The following CHST12 variants were observed in gnomAD, a reference collection of about 807,000 sequenced individuals.
The protein encoded by CHST12 is carbohydrate sulfotransferase 12, also known as carbohydrate (chondroitin 4) sulfotransferase 12.
Under a neutral mutation model 27.9 loss-of-function variants are expected in CHST12, and 23 were observed. The observed-to-expected ratio is 0.82, with a 90% confidence interval of 0.59 to 1.17. The LOEUF is 1.17. Ranked by LOEUF, CHST12 falls within the 50% of genes most tolerant of loss-of-function variation. The pLI, the probability that CHST12 is intolerant of heterozygous loss-of-function variation, is 0.00. For synonymous variants in CHST12, 322 were observed against 273.0 expected (o/e 1.18, Z -1.77); for missense variants, 682 against 603.0 (o/e 1.13, Z -1.37).
intron 1 of CHST12, among the ~76,000 whole-genome samples, 173 bp from the exon 2 acceptor site, chr7:2,432,390 G>A (rs1026325100): frequency 3.3e-5 from 5 of 152,158 alleles, no homozygotes; most frequent in Non-Finnish European, 7.4e-5. Flanking sequence ...GCACATGGAT[G>A]TGTAGACTCC....
At chr7:2,424,156 G>A (rs1001278860) in intron 1 of CHST12, among the ~76,000 whole-genome samples, 4 of 151,576 alleles carry the variant, frequency 2.6e-5, no homozygotes, top group African/African-American at 9.7e-5. Flanking sequence ...GAGTTCAAGA[G>A]CAGCCTGGGC....
intron 1 of CHST12, among the ~76,000 whole-genome samples, chr7:2,418,901 A>G (rs1487801228): frequency 6.6e-6 from 1 of 152,122 alleles, no homozygotes; most frequent in Non-Finnish European, 1.5e-5. Flanking sequence ...GGTTCAAGCC[A>G]TTTTCCCACT....
chr7:2,406,568 C>T (rs1341258728), intron 1 of CHST12, among the ~76,000 whole-genome samples: 2 of 151,786 alleles, frequency 1.3e-5, no homozygotes, highest in Admixed American at 6.6e-5. Flanking sequence ...GAGGAGGAAG[C>T]GAACAGGGAC....
At chr7:2,432,439 C>T (rs964155705) in intron 1 of CHST12, 124 bp from the exon 2 acceptor site, 9 of 619,842 alleles carry the variant, frequency 1.5e-5, no homozygotes, top group African/African-American at 1.1e-4. Flanking sequence ...CTCTGGAGGG[C>T]GAGCTGATAT....
Position 2,434,112 on chromosome 7 carries a change from A to G in CHST12, c.*228A>G, listed in dbSNP as rs2969076. 48,174 of 344,738 alleles carry G rather than the reference A, an allele frequency of 0.14. 3,792 individuals are homozygous for G. The highest frequency in any genetic ancestry group is 0.3 in the African/African-American group (11,145 of 37,618). 21.4% of individuals were successfully genotyped at this position (344,738 alleles called of 1,614,324 possible). A position where few individuals can be genotyped will look rare whatever the true frequency, so the allele number is the denominator to read the frequency against. On this transcript the variant is annotated 3_prime_UTR_variant, in exon 2 of 2. Transcript: ENST00000618655. Reference sequence around the variant, plus strand: ...TATCCCCTCTCCCCTCCGCCCGCCCACCCGCCCGCCCGCTCGCCCGCTCGC... The same window carrying G: ...TATCCCCTCTCCCCTCCGCCCGCCCGCCCGCCCGCCCGCTCGCCCGCTCGC...
rs1188297132 is a variant in CHST12, at chr7:2,439,122, T to G, written c.*5238T>G. ...TCGCTTCAGCTGATTTGGGTTGGAT[T>G]TCTAGCGTTTCACATACAGGATCTA... On this transcript the variant is annotated 3_prime_UTR_variant, in exon 2 of 2. Coordinates refer to ENST00000618655, the MANE Select transcript of CHST12 (RefSeq NM_018641.5). The G allele has an allele frequency of 6.6e-6, 1 of 152,224 alleles. No homozygotes were observed. Among genetic ancestry groups the G allele is most frequent in the Non-Finnish European group, 1.5e-5 (1 of 68,052 alleles). The allele number at this position is 152,224 out of a possible 1,614,324, so 9.4% of individuals were successfully genotyped here.
At chr7:2,430,193 T>C (rs2115435335) in intron 1 of CHST12, among the ~76,000 whole-genome samples, 1 of 152,328 alleles carries the variant, frequency 6.6e-6, no homozygotes, top group African/African-American at 2.4e-5. Flanking sequence ...TATTTAGAAA[T>C]GTGTCATTTA....
chr7:2,438,886 C>T lies in CHST12; in HGVS notation c.*5002C>T, dbSNP rs1782537596. ...ATTTCCTGACCTGGACCCCTGAGAC[C>T]CAGTGCTCTTAGCTGTGAGCCTCTG... On this transcript the variant is annotated 3_prime_UTR_variant, in exon 2 of 2. Transcript: ENST00000618655. 1.3e-5 allele frequency: 2 copies of T among 152,302 alleles called. No homozygotes were observed. Among genetic ancestry groups the T allele is most frequent in the Non-Finnish European group, 2.9e-5 (2 of 68,142 alleles). 9.4% of individuals were successfully genotyped at this position (152,302 alleles called of 1,614,324 possible).
Position 2,432,862 on chromosome 7 carries a change from A to G in CHST12, c.223A>G (p.Ser75Gly), listed in dbSNP as rs1310083399. 5.6e-6 allele frequency: 9 copies of G among 1,613,782 alleles called. No individual in the cohort carries two copies. The highest frequency in any genetic ancestry group is 1.7e-5 in the Admixed American group (1 of 60,030). ...CGACGAGTTTCTGGACAAGTTTCTCAGTGCTGGCGTGAAGCAGAGCGACCT... is the reference window on the plus strand; with the variant it reads ...CGACGAGTTTCTGGACAAGTTTCTCGGTGCTGGCGTGAAGCAGAGCGACCT... ...DVDEFLDKFL[S>G]AGVKQSDLPR... The change falls in exon 2 of 2, where the codon AGT becomes GGT. Residue 75 changes from serine (S) to glycine (G), a missense_variant. Physicochemically the swap from Ser to Gly is moderately conservative, Grantham distance 56. Coordinates refer to ENST00000618655, the MANE Select transcript of CHST12 (RefSeq NM_018641.5).
chr7:2,411,203 C>T (rs989770439), intron 1 of CHST12, among the ~76,000 whole-genome samples: 2 of 152,124 alleles, frequency 1.3e-5, no homozygotes, highest in Admixed American at 1.3e-4. Context: ...CCACCTCAGC[C>T]TCCTGAGTAG....
intron 1 of CHST12, among the ~76,000 whole-genome samples, chr7:2,429,886 G>A (rs1288023640): frequency 2.0e-5 from 3 of 152,088 alleles, no homozygotes; most frequent in Non-Finnish European, 2.9e-5. Context: ...GGGCTCAAGC[G>A]ATCCTCCTGC....
In CHST12 at chr7:2,440,803, T is replaced by C. The variant is rs192913741; in HGVS notation, c.*6919T>C. On this transcript the variant is annotated 3_prime_UTR_variant, in exon 2 of 2. Transcript: ENST00000618655. ...TGGAGGTTGCACAATCCTGTGTCAT[T>C]CTGGATTTATCTTGGGGTCGGGAGT... The C allele has an allele frequency of 6.6e-6, 1 of 152,292 alleles. No individual in the cohort carries two copies. The highest frequency in any genetic ancestry group is 6.5e-5 in the Admixed American group (1 of 15,292). 9.4% of individuals were successfully genotyped at this position (152,292 alleles called of 1,614,324 possible). A position where few individuals can be genotyped will look rare whatever the true frequency, so the allele number is the denominator to read the frequency against.
At position 2,435,077 on chromosome 7, in the gene CHST12, A is replaced by G. The variant is rs1782440217; in HGVS notation, c.*1193A>G. The stretch of plus-strand genomic sequence containing the variant: ...CAAAAAATAAGAAAATCAGCCGGAC[A>G]TGATGGTGCACACCTGTAATCCCAG... On this transcript the variant is annotated 3_prime_UTR_variant, in exon 2 of 2. Coordinates refer to ENST00000618655, the MANE Select transcript of CHST12 (RefSeq NM_018641.5). 1 of 151,770 alleles carries G rather than the reference A, an allele frequency of 6.6e-6. No individual in the cohort carries two copies. The highest frequency in any genetic ancestry group is 1.5e-5 in the Non-Finnish European group (1 of 67,986). 9.4% of individuals were successfully genotyped at this position (151,770 alleles called of 1,614,324 possible). A position where few individuals can be genotyped will look rare whatever the true frequency, so the allele number is the denominator to read the frequency against.
At chr7:2,414,754 G>T (rs972070691) in intron 1 of CHST12, among the ~76,000 whole-genome samples, 1 of 152,130 alleles carries the variant, frequency 6.6e-6, no homozygotes, top group Non-Finnish European at 1.5e-5. Flanking sequence ...TTTAGTTTTA[G>T]TGTTTATGTG....
intron 1 of CHST12, among the ~76,000 whole-genome samples, chr7:2,428,294 A>G (rs1401526920): frequency 6.6e-6 from 1 of 150,930 alleles, no homozygotes; most frequent in Admixed American, 6.6e-5. Flanking sequence ...TCTCGGGTTC[A>G]AGTGATTTTC....
Position 2,434,126 on chromosome 7 carries a change from T to TCGCCCGCC in CHST12, c.*249_*250insCCGCCCGC, listed in dbSNP as rs61141946. 41,286 of 317,256 alleles carry TCGCCCGCC rather than the reference T, an allele frequency of 0.13. 2,997 individuals carry two copies. Among genetic ancestry groups the TCGCCCGCC allele is most frequent in the African/African-American group, 0.23 (9,500 of 40,464 alleles). 19.7% of individuals were successfully genotyped at this position (317,256 alleles called of 1,614,324 possible). On this transcript the variant is annotated 3_prime_UTR_variant, in exon 2 of 2. Coordinates refer to ENST00000618655, the MANE Select transcript of CHST12 (RefSeq NM_018641.5). ...TCCGCCCGCCCACCCGCCCGCCCGCTCGCCCGCTCGCCCGCTCCTGTGGTT... is the reference window on the plus strand; with the variant it reads ...TCCGCCCGCCCACCCGCCCGCCCGCTCGCCCGCCCGCCCGCTCGCCCGCTCCTGTGGTT...
chr7:2,437,178 T>A lies in CHST12; in HGVS notation c.*3294T>A, dbSNP rs930671113. 4.6e-5 allele frequency: 7 copies of A among 152,236 alleles called. No individual in the cohort carries two copies. Among genetic ancestry groups the A allele is most frequent in the African/African-American group, 1.7e-4 (7 of 41,458 alleles). The allele number at this position is 152,236 out of a possible 1,614,324, so 9.4% of individuals were successfully genotyped here. ...TCTTTTACCCTGTTGGCCCCCATCCTCCAGCTGTGTCCACACTTTGAGCAC... is the reference window on the plus strand; with the variant it reads ...TCTTTTACCCTGTTGGCCCCCATCCACCAGCTGTGTCCACACTTTGAGCAC... On this transcript the variant is annotated 3_prime_UTR_variant, in exon 2 of 2. Transcript: ENST00000618655.
rs1782504071 is a variant in CHST12 at position 2,437,689 on chromosome 7, C to G, written c.*3805C>G. The G allele has an allele frequency of 6.6e-6, 1 of 152,074 alleles. No homozygotes were observed. The highest frequency in any genetic ancestry group is 2.1e-4 in the South Asian group (1 of 4,808). The allele number at this position is 152,074 out of a possible 1,614,324, so 9.4% of individuals were successfully genotyped here. Reference sequence around the variant, plus strand: ...GGTTTGGTGAAGGTGGGGCTTTAACCTAGCTCTGCCACTTAGGAATCAGAA... The same window carrying G: ...GGTTTGGTGAAGGTGGGGCTTTAACGTAGCTCTGCCACTTAGGAATCAGAA... On this transcript the variant is annotated 3_prime_UTR_variant, in exon 2 of 2. Coordinates refer to ENST00000618655, the MANE Select transcript of CHST12 (RefSeq NM_018641.5).
At chr7:2,428,862 A>C (rs1335307621) in intron 1 of CHST12, among the ~76,000 whole-genome samples, 3 of 152,244 alleles carry the variant, frequency 2.0e-5, no homozygotes, top group African/African-American at 7.2e-5. Flanking sequence ...CTAGACAGCC[A>C]GTTAGACCAG....
Sources: allele counts gnomAD v4.1 joint callset (sites outside exome capture counted in the v4.1 genomes callset), GRCh38; gene constraint gnomAD v4.1.1; transcripts MANE v1.5; gene names NCBI Gene and HGNC (gene_info 2026-07-23, HGNC 2026-07-21).